The following AGBL4 variants were observed in gnomAD, a reference collection of about 807,000 sequenced individuals.
The protein encoded by AGBL4 is cytosolic carboxypeptidase 6.
Under a neutral mutation model 66.4 loss-of-function variants are expected in AGBL4, and 58 were observed. The observed-to-expected ratio is 0.87, with a 90% CI of 0.71 to 1.09. The LOEUF (loss-of-function observed/expected upper bound fraction) is 1.09, where lower values mean the gene tolerates loss of function less well. Among genes scored for constraint, AGBL4 ranks in the 50% least tolerant of loss-of-function variants. The probability of loss-of-function intolerance (pLI) is 0.00; values close to 1 mark genes in which losing one functional copy is unlikely to be tolerated. For synonymous variants in AGBL4, 234 were observed against 222.9 expected (o/e 1.05, Z -0.44); for missense variants, 579 against 631.0 (o/e 0.92, Z 0.88).
chr1:49,779,998 C>T (rs990209773), intron 2 of AGBL4, among the ~76,000 whole-genome samples: 1 of 152,082 alleles, frequency 6.6e-6, no homozygotes. Context: ...GACTTATCAT[C>T]AGAAACAATG....
chr1:49,841,425 C>G (rs1396224585), intron 2 of AGBL4, among the ~76,000 whole-genome samples: 2 of 152,090 alleles, frequency 1.3e-5, no homozygotes, highest in Non-Finnish European at 1.5e-5. Context: ...CTGTCCAAAA[C>G]AACTTACAAA....
rs566104926 is a variant in AGBL4 at position 49,435,838 on chromosome 1, A to G, written c.283-189974T>C. Among the ~76,000 whole-genome samples, 234 of 152,310 alleles carry G rather than the reference A, an allele frequency of 1.5e-3. 4 individuals are homozygous for G. The highest frequency in any genetic ancestry group is 5.5e-3 in the African/African-American group (227 of 41,576). On this transcript the variant is annotated intron_variant, in intron 3 of 13. Transcript: ENST00000371839. ...AAAATAGAGCTTAGTTAGATTAATT[A>G]AGTTCCCCCAATTCACCACACATCT...
chr1:49,031,928 C>T (rs763223239), intron 5 of AGBL4, among the ~76,000 whole-genome samples: 9 of 150,884 alleles, frequency 6.0e-5, no homozygotes, highest in Non-Finnish European at 1.2e-4. Flanking sequence ...CAGAAGTACA[C>T]AACAAAGGCT....
intron 5 of AGBL4, among the ~76,000 whole-genome samples, chr1:48,903,098 T>G (rs1346090009): frequency 6.6e-6 from 1 of 152,196 alleles, no homozygotes; most frequent in Non-Finnish European, 1.5e-5. Flanking sequence ...AAGGCTTAGT[T>G]TGTGCTCTTT....
intron 2 of AGBL4, among the ~76,000 whole-genome samples, chr1:49,847,119 T>C (rs763285268): frequency 3.5e-4 from 54 of 152,150 alleles, no homozygotes; most frequent in Middle Eastern, 3.4e-3. Context: ...AACCCAGAAA[T>C]AAAGCCACCT....
At chr1:49,793,261 A>G (rs1298292331) in intron 2 of AGBL4, among the ~76,000 whole-genome samples, 1 of 152,002 alleles carries the variant, frequency 6.6e-6, no homozygotes, top group Non-Finnish European at 1.5e-5. Flanking sequence ...TTCTGTTTCT[A>G]ATTTCTTTGG....
intron 3 of AGBL4, among the ~76,000 whole-genome samples, chr1:49,610,823 T>C (rs1645141566): frequency 6.6e-6 from 1 of 152,170 alleles, no homozygotes; most frequent in South Asian, 2.1e-4. Flanking sequence ...GTAGCAGGAA[T>C]TGACTAAGAT....
At chr1:50,001,988 T>C (rs979713534) in intron 1 of AGBL4, among the ~76,000 whole-genome samples, 16 of 152,296 alleles carry the variant, frequency 1.1e-4, no homozygotes, top group Admixed American at 7.2e-4. Flanking sequence ...AGCTTTTTCC[T>C]GATAACAAAA....
intron 4 of AGBL4, among the ~76,000 whole-genome samples, chr1:49,088,548 C>A (rs979179965): frequency 6.6e-6 from 1 of 152,052 alleles, no homozygotes; most frequent in African/African-American, 2.4e-5. Flanking sequence ...ACAAGAAGTT[C>A]TAGCTATACT....
chr1:49,975,644 A>G (rs1658496680), intron 1 of AGBL4, among the ~76,000 whole-genome samples: 1 of 152,258 alleles, frequency 6.6e-6, no homozygotes, highest in Non-Finnish European at 1.5e-5. Context: ...GTAATCAAAG[A>G]GACCACATTT....
chr1:49,434,923 G>A (rs939124178), intron 3 of AGBL4, among the ~76,000 whole-genome samples: 1 of 151,832 alleles, frequency 6.6e-6, no homozygotes, highest in African/African-American at 2.4e-5. Flanking sequence ...TGGAGGTCTC[G>A]AGGGCCCACA....
At chr1:49,174,992 T>A (rs1646805142) in intron 4 of AGBL4, 1 of 152,082 alleles carries the variant, frequency 6.6e-6, no homozygotes, top group Non-Finnish European at 1.5e-5. Context: ...TTGGCAAATG[T>A]GATATGGACT....
At chr1:49,164,356 T>C (rs1478186822) in intron 4 of AGBL4, among the ~76,000 whole-genome samples, 1 of 152,098 alleles carries the variant, frequency 6.6e-6, no homozygotes, top group Non-Finnish European at 1.5e-5. Context: ...ACAAAGGGAA[T>C]ACATTAAAAC....
At chr1:49,459,265 AC>A (rs948060711) in intron 3 of AGBL4, among the ~76,000 whole-genome samples, 2 of 151,736 alleles carry the variant, frequency 1.3e-5, no homozygotes, top group Non-Finnish European at 3.0e-5. Flanking sequence ...TTTTTAAATT[AC>A]CATTTCAATC....
intron 5 of AGBL4, among the ~76,000 whole-genome samples, chr1:49,010,112 T>C (rs2149004209): frequency 6.6e-6 from 1 of 152,298 alleles, no homozygotes; most frequent in South Asian, 2.1e-4. Flanking sequence ...GACGACATGA[T>C]TGTATATCTA....
At chr1:49,326,645 T>C (rs1452661482) in intron 3 of AGBL4, among the ~76,000 whole-genome samples, 3 of 152,168 alleles carry the variant, frequency 2.0e-5, no homozygotes, top group African/African-American at 7.2e-5. Context: ...TTATATGGTA[T>C]CTTGAAAAGA....
chr1:49,598,918 C>T (rs1378721675), intron 3 of AGBL4, among the ~76,000 whole-genome samples: 6 of 152,216 alleles, frequency 3.9e-5, no homozygotes, highest in Non-Finnish European at 7.4e-5. Flanking sequence ...GATTTGCGTA[C>T]GTTGAACCAG....
chr1:49,006,754 C>A (rs1661867461), intron 5 of AGBL4, among the ~76,000 whole-genome samples: 2 of 151,966 alleles, frequency 1.3e-5, no homozygotes, highest in South Asian at 2.1e-4. Context: ...GAGGCACCCC[C>A]CAGCAGGGGC....
Position 49,742,742 on chromosome 1 carries a change from A to G in AGBL4, c.158-45305T>C, listed in dbSNP as rs1650625987. ...GAACAGAACAGAGCCCTCGGAAATA[A>G]TGCCACATATCTACAACAATCTGAT... is the stretch of plus-strand genomic sequence containing the variant. On this transcript the variant is annotated intron_variant, in intron 2 of 13. Transcript: ENST00000371839. Among the ~76,000 whole-genome samples, 3 of 152,218 alleles carry G rather than the reference A, an allele frequency of 2.0e-5. No individual in the cohort carries two copies. In the South Asian group the frequency reaches 6.2e-4, roughly 31 times the overall value.
Sources: gnomAD v4.1 joint callset for allele counts (sites outside exome capture counted in the v4.1 genomes callset) on GRCh38, gnomAD v4.1.1 for gene constraint, MANE v1.5 for transcripts, NCBI Gene and HGNC (gene_info 2026-07-23, HGNC 2026-07-21) for gene names.